Variants in DNMT1 observed in about 807,000 individuals in gnomAD.
The protein encoded by DNMT1 is DNA (cytosine-5)-methyltransferase 1.
DNMT1 carries 24 observed loss-of-function variants against 205.3 expected under a neutral mutation model. That is an observed-to-expected ratio of 0.12 (90% CI 0.08 to 0.16). The LOEUF is 0.16. Ranked by LOEUF, DNMT1 falls within the 10% of genes least tolerant of loss-of-function variation. The probability of loss-of-function intolerance (pLI) is 1.00; values close to 1 mark genes in which losing one functional copy is unlikely to be tolerated. For missense variants in DNMT1, 1,293 were observed against 2,177.7 expected, an observed-to-expected ratio of 0.59 and a Z score of 8.09; for synonymous variants, 817 against 839.8, an observed-to-expected ratio of 0.97 and a Z score of 0.47.
intron 1 of DNMT1, among the ~76,000 whole-genome samples, chr19:10,190,133 C>T (rs1410200641): frequency 4.6e-5 from 7 of 152,176 alleles, no homozygotes; most frequent in Non-Finnish European, 8.8e-5. Context: ...AGCCAAGGAA[C>T]TGGAGTTAAG....
intron 39 of DNMT1, chr19:10,135,339 A>C (rs2089456024): frequency 3.7e-6 from 1 of 270,306 alleles, no homozygotes; most frequent in Non-Finnish European, 7.4e-6. Flanking sequence ...CCTATGATGA[A>C]AATACACTTA....
chr19:10,168,130 A>C (rs1397477141), intron 10 of DNMT1, among the ~76,000 whole-genome samples, 200 bp downstream of exon 10: 2 of 151,874 alleles, frequency 1.3e-5, no homozygotes, highest in Non-Finnish European at 2.9e-5. Context: ...CTCAAAATTA[A>C]ATTAAATTAA....
intron 27 of DNMT1, among the ~76,000 whole-genome samples, chr19:10,147,686 C>A (rs1327654742): frequency 6.6e-6 from 1 of 152,138 alleles, no homozygotes; most frequent in Non-Finnish European, 1.5e-5. Flanking sequence ...AGCACAGATG[C>A]CCCCGGGGAG....
At position 10,180,589 on chromosome 19, in the gene DNMT1, T is replaced by C; in HGVS notation, c.226-20A>G. 1 of 1,611,366 alleles carries C rather than the reference T, an allele frequency of 6.2e-7. No individual in the cohort carries two copies. The highest frequency in any genetic ancestry group is 8.5e-7 in the Non-Finnish European group (1 of 1,177,622). ...GCCCTCCTACAGCAGGAAAGGATAA[T>C]TTAAGTAGCAGTGAATGTAAACAAG... On this transcript the variant is annotated intron_variant, in intron 3 of 40. Coordinates refer to ENST00000359526, the MANE Select transcript of DNMT1 (RefSeq NM_001130823.3).
rs2145260194 is a variant in DNMT1, at chr19:10,138,430, G to A, written c.4115+9C>T. The stretch of plus-strand genomic sequence containing the variant: ...GGCAGTGTGTGGAGGAGCGACGGGG[G>A]CCACCTACCTGGTTATGTTGCTCAC... On this transcript the variant is annotated intron_variant, in intron 35 of 40. Transcript: ENST00000359526. This position sits in a 1 kb window ranked among gnomAD's most constrained non-coding sequence, Gnocchi z 4.1. 2 of 1,613,854 alleles carry A rather than the reference G, an allele frequency of 1.2e-6. No individual in the cohort carries two copies. The highest frequency in any genetic ancestry group is 1.1e-5 in the South Asian group (1 of 91,088).
intron 7 of DNMT1, among the ~76,000 whole-genome samples, chr19:10,174,730 C>CA (rs1306717494): frequency 2.0e-5 from 3 of 149,898 alleles, no homozygotes; most frequent in Admixed American, 1.3e-4. Flanking sequence ...ACAACAACAA[C>CA]AACAACAAAA....
chr19:10,193,393 T>C (rs1316710034), intron 1 of DNMT1, among the ~76,000 whole-genome samples: 1 of 151,850 alleles, frequency 6.6e-6, no homozygotes, highest in East Asian at 1.9e-4. Context: ...AGGGTCTCAC[T>C]CTGTCACCCA....
chr19:10,173,285 A>G (rs1048994712), intron 8 of DNMT1, 111 bp from the exon 9 acceptor site: 3 of 1,026,494 alleles, frequency 2.9e-6, no homozygotes, highest in Non-Finnish European at 3.0e-6. Flanking sequence ...TTATCTCAGG[A>G]GCCCTGACAG....
At position 10,136,291 on chromosome 19, in the gene DNMT1, G is replaced by A. The variant is rs764747230; in HGVS notation, c.4490-4C>T. ...GCGGGGTCGCAGGCTTTGCCGGCTGGAAGACAGGACAGTGATGAGGCTGCA... is the reference window on the plus strand; with the variant it reads ...GCGGGGTCGCAGGCTTTGCCGGCTGAAAGACAGGACAGTGATGAGGCTGCA... On this transcript the variant is annotated splice_polypyrimidine_tract_variant and splice_region_variant and intron_variant, in intron 37 of 40. Coordinates refer to ENST00000359526, the MANE Select transcript of DNMT1 (RefSeq NM_001130823.3). 37 of 1,613,654 alleles carry A rather than the reference G, an allele frequency of 2.3e-5. No individual in the cohort carries two copies. Among genetic ancestry groups the A allele is most frequent in the Non-Finnish European group, 1.3e-5 (15 of 1,180,022 alleles).
Position 10,163,088 on chromosome 19 carries a change from A to G in DNMT1, c.926+238T>C, listed in dbSNP as rs567685538. 1.1e-3 allele frequency: 622 copies of G among 577,744 alleles called. 1 individual carries two copies. The highest frequency in any genetic ancestry group is 1.7e-3 in the Non-Finnish European group (547 of 326,838). 35.8% of individuals were successfully genotyped at this position (577,744 alleles called of 1,614,324 possible). A position where few individuals can be genotyped will look rare whatever the true frequency, so the allele number is the denominator to read the frequency against. On this transcript the variant is annotated intron_variant, in intron 12 of 40. Coordinates refer to ENST00000359526, the MANE Select transcript of DNMT1 (RefSeq NM_001130823.3). Reference sequence around the variant, plus strand: ...CTAGCAGTTCTGCCTCAGCCTTCCGAGTAGCTGGGATTATAGGCACCCGCC... The same window carrying G: ...CTAGCAGTTCTGCCTCAGCCTTCCGGGTAGCTGGGATTATAGGCACCCGCC...
At chr19:10,194,683 G>A in intron 1 of DNMT1, 137 bp downstream of exon 1, 1 of 1,240,616 alleles carries the variant, frequency 8.1e-7, no homozygotes, top group Non-Finnish European at 1.1e-6. Context: ...CGCGCCAACT[G>A]CCGCTGCGCG....
intron 17 of DNMT1, among the ~76,000 whole-genome samples, chr19:10,158,676 G>A (rs1282803879): frequency 6.6e-6 from 1 of 152,170 alleles, no homozygotes; most frequent in Non-Finnish European, 1.5e-5. Context: ...TGAAGGTACG[G>A]GCCGGACGCC....
intron 7 of DNMT1, 132 bp downstream of exon 7, chr19:10,175,408 C>T: frequency 2.1e-6 from 2 of 936,398 alleles, no homozygotes; most frequent in Admixed American, 2.0e-5. Context: ...TCTATTGGTC[C>T]TGTCTCTCTG....
chr19:10,155,830 C>A, intron 19 of DNMT1, 23 bp downstream of exon 19: 3 of 1,609,214 alleles, frequency 1.9e-6, no homozygotes, highest in Non-Finnish European at 1.7e-6. Flanking sequence ...CCCCGGCCAG[C>A]CTATGATGGG....
rs2038514364 is a variant in DNMT1, at chr19:10,159,047, C to A, written c.1280+611G>T. Among the ~76,000 whole-genome samples, 1 of 152,194 alleles carries A rather than the reference C, an allele frequency of 6.6e-6. No homozygotes were observed. Among genetic ancestry groups the A allele is most frequent in the Admixed American group, 6.5e-5 (1 of 15,270 alleles). On this transcript the variant is annotated intron_variant, in intron 17 of 40. Coordinates refer to ENST00000359526, the MANE Select transcript of DNMT1 (RefSeq NM_001130823.3). This position sits in a 1 kb window ranked among gnomAD's most constrained non-coding sequence, Gnocchi z 5.0. The stretch of plus-strand genomic sequence containing the variant: ...ATTTCTGGCTCCGTGAAGGCAGGAC[C>A]TGAGCAGCTACATCCACGACACCTA...
In DNMT1 at chr19:10,141,092, T is replaced by C. The variant is rs2145267751; in HGVS notation, c.3394+13A>G. On this transcript the variant is annotated intron_variant, in intron 31 of 40. Coordinates refer to ENST00000359526, the MANE Select transcript of DNMT1 (RefSeq NM_001130823.3). ...GAAGAATAACTTGAAAAGAAACTCA[T>C]ACAATGACGTACCTTTTCCCTTGCC... 2.8e-5 allele frequency: 45 copies of C among 1,613,974 alleles called. No individual in the cohort carries two copies. Among genetic ancestry groups the C allele is most frequent in the Non-Finnish European group, 3.8e-5 (45 of 1,179,952 alleles).
chr19:10,161,369 C>A (rs1479359765), intron 13 of DNMT1, among the ~76,000 whole-genome samples: 13 of 152,000 alleles, frequency 8.6e-5, no homozygotes. Flanking sequence ...AAATAACTGG[C>A]CAGGCACAGT....
In DNMT1 at chr19:10,143,786, G is replaced by A. The variant is rs756320223; in HGVS notation, c.3096C>T (p.Ile1032=). Residue 1032 remains isoleucine (I), a synonymous_variant, in exon 29 of 41, where the codon ATC becomes ATT. Coordinates refer to ENST00000359526, the MANE Select transcript of DNMT1 (RefSeq NM_001130823.3). The part of the protein sequence containing the change: ...NGRPNETDIK[I]RVNKFYRPEN... ...CTGACCTGTAGAACTTGTTGACCCGGATTTTGATGTCAGTCTCATTGGGCC... is the reference window on the plus strand; with the variant it reads ...CTGACCTGTAGAACTTGTTGACCCGAATTTTGATGTCAGTCTCATTGGGCC... 1.2e-6 allele frequency: 2 copies of A among 1,614,164 alleles called. No homozygotes were observed. The highest frequency in any genetic ancestry group is 8.5e-7 in the Non-Finnish European group (1 of 1,180,026).
chr19:10,160,167 G>A, intron 14 of DNMT1, 104 bp from the exon 15 acceptor site: 1 of 1,591,424 alleles, frequency 6.3e-7, no homozygotes, highest in Non-Finnish European at 8.5e-7. Context: ...GGCACAGGGA[G>A]GCACCGGCTG....
Sources: gnomAD v4.1 joint callset for allele counts (sites outside exome capture counted in the v4.1 genomes callset) on GRCh38, gnomAD v4.1.1 for gene constraint, Gnocchi (gnomAD v3.1) non-coding constraint, MANE v1.5 for transcripts, NCBI Gene and HGNC (gene_info 2026-07-23, HGNC 2026-07-21) for gene names.